Variants in NLGN1 observed in about 807,000 individuals in gnomAD.
NLGN1 encodes the protein neuroligin-1.
In NLGN1, 12 loss-of-function variants were observed where a neutral mutation model predicts 65.5. That is an observed-to-expected ratio of 0.18 (90% confidence interval 0.12 to 0.30). The LOEUF (loss-of-function observed/expected upper bound fraction) is 0.30, where lower values mean the gene tolerates loss of function less well. NLGN1 is among the 10% of genes least tolerant of loss of function. The pLI is 1.00. For synonymous variants in NLGN1, 350 were observed against 359.5 expected, an observed-to-expected ratio of 0.97 and a Z score of 0.30; for missense variants, 750 against 1,007.1, an observed-to-expected ratio of 0.74 and a Z score of 3.46.
intron 4 of NLGN1, among the ~76,000 whole-genome samples, chr3:174,096,735 G>T (rs1745605085): frequency 6.6e-6 from 1 of 151,990 alleles, no homozygotes; most frequent in African/African-American, 2.4e-5. Context: ...TCATTTTTGA[G>T]AAATCATATT....
intron 4 of NLGN1, among the ~76,000 whole-genome samples, chr3:173,881,089 CTTTTTTTT>C (rs928288845): frequency 3.1e-4 from 34 of 108,214 alleles, no homozygotes; most frequent in Non-Finnish European, 5.3e-4. Context: ...AGGCTCCCTC[CTTTTTTTT>C]TTTTTTTTTT....
At chr3:173,766,088 C>CTTTTTTTTTTTTTTT (rs34830188) in intron 3 of NLGN1, among the ~76,000 whole-genome samples, 1 of 135,886 alleles carries the variant, frequency 7.4e-6, no homozygotes, top group Non-Finnish European at 1.6e-5. Context: ...TATGTTTTGT[C>CTTTTTTTTTTTTTTT]TTTTTTTTTT....
At chr3:173,505,596 A>G (rs1300111049) in intron 2 of NLGN1, among the ~76,000 whole-genome samples, 1 of 152,020 alleles carries the variant, frequency 6.6e-6, no homozygotes, top group Non-Finnish European at 1.5e-5. Context: ...TATACTTGGA[A>G]TATTACCTCC....
intron 2 of NLGN1, among the ~76,000 whole-genome samples, chr3:173,447,375 A>G (rs1472311137): frequency 6.6e-6 from 1 of 152,128 alleles, no homozygotes; most frequent in Non-Finnish European, 1.5e-5. Context: ...AGGTAGTTGT[A>G]GATACATGGC....
chr3:173,767,907 T>C (rs1779009536), intron 3 of NLGN1, among the ~76,000 whole-genome samples: 1 of 152,116 alleles, frequency 6.6e-6, no homozygotes, highest in South Asian at 2.1e-4. Flanking sequence ...AATCTCTGCC[T>C]TTGAATAATT....
At chr3:173,923,282 T>C (rs556686610) in intron 4 of NLGN1, among the ~76,000 whole-genome samples, 1 of 152,226 alleles carries the variant, frequency 6.6e-6, no homozygotes, top group South Asian at 2.1e-4. Flanking sequence ...TTTGTGGTAA[T>C]TGTTTTCTTC....
intron 3 of NLGN1, among the ~76,000 whole-genome samples, chr3:173,746,181 T>A (rs1321704814): frequency 6.6e-6 from 1 of 151,982 alleles, no homozygotes; most frequent in Non-Finnish European, 1.5e-5. Flanking sequence ...TAATACCAGT[T>A]ATTTGGCAGG....
intron 4 of NLGN1, among the ~76,000 whole-genome samples, chr3:174,135,568 C>T (rs58789464): frequency 0.027 from 4,040 of 152,060 alleles, 192 homozygotes; most frequent in African/African-American, 0.092. Flanking sequence ...GTTTGAAGTG[C>T]TAACAGTTTT....
At chr3:173,897,156 T>C (rs186898623) in intron 4 of NLGN1, among the ~76,000 whole-genome samples, 23 of 152,324 alleles carry the variant, frequency 1.5e-4, no homozygotes, top group African/African-American at 5.5e-4. Flanking sequence ...TGTTTACATA[T>C]GATTAAAATC....
At chr3:173,776,790 T>C (rs1780357259) in intron 3 of NLGN1, among the ~76,000 whole-genome samples, 1 of 151,988 alleles carries the variant, frequency 6.6e-6, no homozygotes. Flanking sequence ...ACCTCTCTGA[T>C]CCTCTGTTAT....
chr3:173,647,017 CA>C (rs1442238731), intron 3 of NLGN1, among the ~76,000 whole-genome samples: 1 of 152,064 alleles, frequency 6.6e-6, no homozygotes, highest in Non-Finnish European at 1.5e-5. Flanking sequence ...TAACATTACT[CA>C]AAAGAAAGCC....
intron 4 of NLGN1, among the ~76,000 whole-genome samples, chr3:173,843,160 C>A (rs1725102172): frequency 6.6e-6 from 1 of 152,186 alleles, no homozygotes; most frequent in African/African-American, 2.4e-5. Flanking sequence ...TCAGACACAG[C>A]TTGAGTGGTT....
intron 4 of NLGN1, among the ~76,000 whole-genome samples, chr3:174,028,060 C>T (rs941332228): frequency 1.3e-5 from 2 of 152,170 alleles, no homozygotes; most frequent in Admixed American, 6.6e-5. Flanking sequence ...GACTTTGCTC[C>T]TCATTCATCT....
chr3:173,633,787 C>T (rs926875805), intron 3 of NLGN1, among the ~76,000 whole-genome samples: 21 of 152,128 alleles, frequency 1.4e-4, no homozygotes, highest in Non-Finnish European at 2.8e-4. Context: ...CCCCGATTCT[C>T]CTTATCTTCT....
intron 4 of NLGN1, among the ~76,000 whole-genome samples, chr3:174,264,787 TTC>T (rs1747688826): frequency 6.6e-6 from 1 of 152,026 alleles, no homozygotes; most frequent in Admixed American, 6.6e-5. Context: ...AGTTTTTCTG[TTC>T]TGTTTGTTCC....
At chr3:173,483,923 G>A (rs1727726461) in intron 2 of NLGN1, among the ~76,000 whole-genome samples, 1 of 152,240 alleles carries the variant, frequency 6.6e-6, no homozygotes, top group Non-Finnish European at 1.5e-5. Context: ...TGCCTGAAAT[G>A]TAACAGTTTA....
At chr3:173,434,727 C>G (rs1460006921) in intron 1 of NLGN1, among the ~76,000 whole-genome samples, 4 of 152,072 alleles carry the variant, frequency 2.6e-5, no homozygotes, top group Non-Finnish European at 5.9e-5. Flanking sequence ...GTTATAAAGC[C>G]ACTCTATTTT....
chr3:174,015,514 T>A (rs1176432279), intron 4 of NLGN1, among the ~76,000 whole-genome samples: 1 of 152,146 alleles, frequency 6.6e-6, no homozygotes, highest in Non-Finnish European at 1.5e-5. Flanking sequence ...TATCTAAACC[T>A]AATTAACTCC....
At chr3:174,267,732 C>G (rs1748551681) in intron 4 of NLGN1, among the ~76,000 whole-genome samples, 1 of 152,126 alleles carries the variant, frequency 6.6e-6, no homozygotes, top group Admixed American at 6.6e-5. Flanking sequence ...TTGCTGCCAT[C>G]TAAGAAAGAC....
Sources: allele counts gnomAD v4.1 joint callset (sites outside exome capture counted in the v4.1 genomes callset), GRCh38; gene constraint gnomAD v4.1.1; transcripts MANE v1.5; gene names NCBI Gene and HGNC (gene_info 2026-07-23, HGNC 2026-07-21).